KCNIP4: variants seen among roughly 807,000 people sequenced by gnomAD.
The protein encoded by KCNIP4 is Kv channel-interacting protein 4.
KCNIP4 carries 12 observed loss-of-function variants against 34.0 expected under a neutral mutation model. The ratio of observed to expected loss-of-function variants is 0.35; its 90% CI spans 0.23 to 0.57. The LOEUF is 0.57. Among genes scored for constraint, KCNIP4 ranks in the 20% least tolerant of loss-of-function variants. KCNIP4 has a pLI of 0.83. For synonymous variants in KCNIP4, 124 were observed against 102.2 expected (o/e 1.21, Z -1.29); for missense variants, 238 against 311.7 (o/e 0.76, Z 1.78).
chr4:21,550,460 C>T (rs1019608409), intron 1 of KCNIP4, among the ~76,000 whole-genome samples: 1 of 152,180 alleles, frequency 6.6e-6, no homozygotes, highest in East Asian at 1.9e-4. Context: ...ATAGCCTCAT[C>T]GAAAATTTCT....
chr4:21,053,985 T>TATTTTGTAGATATTGACAAAATG (rs1255089681), intron 1 of KCNIP4, among the ~76,000 whole-genome samples: 140 of 107,244 alleles, frequency 1.3e-3, no homozygotes, highest in African/African-American at 5.5e-3. Flanking sequence ...TCCATCAAGT[T>TATTTTGTAGATATTGACAAAATG]ATTTTGTAGA....
intron 1 of KCNIP4, among the ~76,000 whole-genome samples, chr4:20,935,071 T>A (rs1730916462): frequency 6.6e-6 from 1 of 152,194 alleles, no homozygotes; most frequent in African/African-American, 2.4e-5. Flanking sequence ...CAAATGTCCC[T>A]TGAGGACACA....
intron 1 of KCNIP4, among the ~76,000 whole-genome samples, chr4:21,473,815 G>A (rs1730671638): frequency 1.3e-5 from 2 of 151,786 alleles, no homozygotes; most frequent in Non-Finnish European, 2.9e-5. Context: ...CTGGGTTCAA[G>A]CGATTCTCCT....
chr4:21,542,299 C>T (rs539707896), intron 1 of KCNIP4, among the ~76,000 whole-genome samples: 2 of 152,074 alleles, frequency 1.3e-5, no homozygotes, highest in Non-Finnish European at 2.9e-5. Flanking sequence ...AGTGGATGGA[C>T]TGCTCATTTC....
chr4:21,863,352 A>G (rs6852952), intron 1 of KCNIP4, among the ~76,000 whole-genome samples: 108,431 of 151,460 alleles, frequency 0.72, 44,303 homozygotes, highest in East Asian at 0.89. Context: ...TCCTGGATGA[A>G]GTAGATAGCA....
intron 3 of KCNIP4, among the ~76,000 whole-genome samples, chr4:20,829,056 G>A (rs1718105418): frequency 6.6e-6 from 1 of 152,190 alleles, no homozygotes; most frequent in Admixed American, 6.5e-5. Flanking sequence ...AATTAGAGAA[G>A]ATACGCTATA....
chr4:21,536,114 A>G (rs78684344), intron 1 of KCNIP4, among the ~76,000 whole-genome samples: 8,477 of 152,226 alleles, frequency 0.056, 365 homozygotes, highest in South Asian at 0.17. Flanking sequence ...AGGAAGGTTC[A>G]GCTGGGGAGG....
At chr4:21,455,823 A>G (rs1338299759) in intron 1 of KCNIP4, among the ~76,000 whole-genome samples, 4 of 49,936 alleles carry the variant, frequency 8.0e-5, no homozygotes, top group African/African-American at 1.6e-4. Flanking sequence ...ATATATATAT[A>G]TATATATATA....
chr4:21,512,067 AGGAAGGAAAGAAGGAAGGAAGGAG>A (rs1269470475), intron 1 of KCNIP4, among the ~76,000 whole-genome samples: 23 of 138,294 alleles, frequency 1.7e-4, no homozygotes, highest in African/African-American at 6.0e-4. Context: ...GAAGGAAGGA[AGGAAGGAAAGAAGGAAGGAAGGAG>A]GGAGGGAGGG....
At chr4:21,916,028 G>T (rs1022291478) in intron 1 of KCNIP4, among the ~76,000 whole-genome samples, 2 of 152,212 alleles carry the variant, frequency 1.3e-5, no homozygotes, top group Non-Finnish European at 2.9e-5. Flanking sequence ...TTCGTTTCCA[G>T]TTGCTTCAGA....
At chr4:21,578,614 G>A (rs1446442988) in intron 1 of KCNIP4, among the ~76,000 whole-genome samples, 1 of 152,108 alleles carries the variant, frequency 6.6e-6, no homozygotes, top group Non-Finnish European at 1.5e-5. Flanking sequence ...GACTGCATTA[G>A]AATAAAGCAA....
At chr4:21,011,065 T>C (rs527549704) in intron 1 of KCNIP4, among the ~76,000 whole-genome samples, 16 of 152,262 alleles carry the variant, frequency 1.1e-4, no homozygotes, top group South Asian at 8.3e-4. Context: ...AGTAGCGAAA[T>C]AATTGGGCAA....
intron 3 of KCNIP4, among the ~76,000 whole-genome samples, chr4:20,776,575 T>G (rs1220368474): frequency 1.3e-5 from 2 of 152,234 alleles, no homozygotes; most frequent in Non-Finnish European, 2.9e-5. Context: ...AATGCTATAT[T>G]TTATTAATTG....
intron 1 of KCNIP4, among the ~76,000 whole-genome samples, chr4:20,975,959 T>C (rs1174330604): frequency 1.3e-5 from 2 of 152,232 alleles, no homozygotes; most frequent in East Asian, 3.8e-4. Context: ...TTGCATATTA[T>C]CTACGGCTGC....
chr4:21,659,448 C>A (rs551552924), intron 1 of KCNIP4, among the ~76,000 whole-genome samples: 24 of 152,162 alleles, frequency 1.6e-4, no homozygotes, highest in African/African-American at 5.5e-4. Flanking sequence ...GGTTACCTTA[C>A]TAGTTTTTCA....
chr4:21,634,236 A>G (rs1745966843), intron 1 of KCNIP4, among the ~76,000 whole-genome samples: 1 of 151,278 alleles, frequency 6.6e-6, no homozygotes, highest in African/African-American at 2.4e-5. Flanking sequence ...AAAAAAAAAA[A>G]AAAAAAAAAA....
chr4:20,766,369 C>CAGCT (rs1280862783), intron 3 of KCNIP4, among the ~76,000 whole-genome samples: 2 of 152,074 alleles, frequency 1.3e-5, no homozygotes, highest in African/African-American at 4.8e-5. Flanking sequence ...AGTTCGAGAC[C>CAGCT]AGCTTGGACA....
intron 1 of KCNIP4, among the ~76,000 whole-genome samples, chr4:21,216,538 G>T (rs11938789): frequency 0.5 from 76,125 of 152,066 alleles, 21,436 homozygotes; most frequent in African/African-American, 0.77. Context: ...GTGAAGACAC[G>T]GGGAGGAAGA....
chr4:21,053,960 A>G (rs1743161322), intron 1 of KCNIP4, among the ~76,000 whole-genome samples: 1 of 152,000 alleles, frequency 6.6e-6, no homozygotes, highest in African/African-American at 2.4e-5. Flanking sequence ...GATTTAATAC[A>G]ATCCTAATCA....
Sources: allele counts gnomAD v4.1 joint callset (sites outside exome capture counted in the v4.1 genomes callset), GRCh38; gene constraint gnomAD v4.1.1; transcripts MANE v1.5; gene names NCBI Gene and HGNC (gene_info 2026-07-23, HGNC 2026-07-21).